The following STK3 variants were observed in gnomAD, a reference collection of about 807,000 sequenced individuals.
The protein encoded by STK3 is serine/threonine kinase 3, also known as serine/threonine-protein kinase 3.
In STK3, 41 loss-of-function variants were observed where a neutral mutation model predicts 58.0. The observed-to-expected ratio is 0.71, with a 90% CI of 0.55 to 0.92. The LOEUF is 0.92. Ranked by LOEUF, STK3 falls within the 40% of genes least tolerant of loss-of-function variation. The pLI is 0.00. For synonymous variants in STK3, 170 were observed against 191.0 expected (o/e 0.89, Z 0.91); for missense variants, 479 against 602.7 (o/e 0.79, Z 2.15).
chr8:98,525,964 G>T (rs930539853), intron 10 of STK3, among the ~76,000 whole-genome samples: 1 of 151,240 alleles, frequency 6.6e-6, no homozygotes, highest in African/African-American at 2.4e-5. Context: ...AACTATAAAG[G>T]ATTATAAAGT....
rs1563600145 is a variant in STK3 at position 98,428,991 on chromosome 8, G to T, written n.483+5136C>A. 3 of 1,614,028 alleles carry T rather than the reference G, an allele frequency of 1.9e-6. No individual in the cohort carries two copies. The highest frequency in any genetic ancestry group is 1.3e-5 in the African/African-American group (1 of 74,928). On this transcript the variant is annotated intron_variant and non_coding_transcript_variant, in intron 3 of 3. Transcript: ENST00000517832. This position sits in a 1 kb window ranked among gnomAD's most constrained non-coding sequence, Gnocchi z 6.7. ...AGGGCTGCTCTTGCTCTACCTCTCCGTGGGGATTTCCATCTTCTCCGTGGT... is the reference window on the plus strand; with the variant it reads ...AGGGCTGCTCTTGCTCTACCTCTCCTTGGGGATTTCCATCTTCTCCGTGGT...
At chr8:98,390,317 A>C (rs965210309), upstream of STK3, among the ~76,000 whole-genome samples, 8 of 152,198 alleles carry the variant, frequency 5.3e-5, no homozygotes, top group Non-Finnish European at 7.4e-5. Context: ...CTGGAATGAC[A>C]GTTCTTTTCT....
At chr8:98,891,093 TG>T (rs1358477302) in intron 1 of STK3, among the ~76,000 whole-genome samples, 2 of 152,230 alleles carry the variant, frequency 1.3e-5, no homozygotes, top group African/African-American at 4.8e-5. Context: ...TCCTAACAGT[TG>T]TTAAATGTGC....
At chr8:98,466,340 T>C (rs774730438) in intron 10 of STK3, among the ~76,000 whole-genome samples, 7 of 152,208 alleles carry the variant, frequency 4.6e-5, no homozygotes, top group Admixed American at 2.0e-4. Context: ...TTAATTTTTC[T>C]CCAATTACAC....
chr8:98,566,115 C>G (rs1011463149), intron 8 of STK3, among the ~76,000 whole-genome samples: 3 of 152,150 alleles, frequency 2.0e-5, no homozygotes, highest in Non-Finnish European at 4.4e-5. Context: ...TCTCATCAGA[C>G]AAGCTTTTTC....
At chr8:98,869,703 A>AT (rs1377284643) in intron 3 of STK3, among the ~76,000 whole-genome samples, 8 of 151,958 alleles carry the variant, frequency 5.3e-5, no homozygotes, top group Non-Finnish European at 8.8e-5. Flanking sequence ...CTTTTATTTT[A>AT]TTTTTTTAAA....
chr8:98,429,698 G>C (rs1218780907), intron 3 of STK3: 3 of 397,704 alleles, frequency 7.5e-6, no homozygotes, highest in Non-Finnish European at 1.4e-5. Flanking sequence ...CACCCAGAAT[G>C]CTAATTTTTC....
chr8:98,891,796 A>G (rs1482024659), intron 1 of STK3, among the ~76,000 whole-genome samples: 1 of 152,132 alleles, frequency 6.6e-6, no homozygotes, highest in Non-Finnish European at 1.5e-5. Context: ...GATTGCATAA[A>G]AGTGAAACTT....
upstream of STK3, among the ~76,000 whole-genome samples, chr8:98,827,924 T>C (rs189638046): frequency 6.6e-6 from 1 of 152,128 alleles, no homozygotes; most frequent in African/African-American, 2.4e-5. Flanking sequence ...GAGAAGAATC[T>C]TTGAAATTAC....
chr8:98,790,482 A>C (rs1832738784), intron 1 of STK3, among the ~76,000 whole-genome samples: 1 of 152,202 alleles, frequency 6.6e-6, no homozygotes. Context: ...TCTATGATTA[A>C]AACTCAGCAA....
At chr8:98,496,163 C>G (rs939151931) in intron 10 of STK3, among the ~76,000 whole-genome samples, 1 of 152,080 alleles carries the variant, frequency 6.6e-6, no homozygotes, top group Non-Finnish European at 1.5e-5. Flanking sequence ...GTGCCTAGCA[C>G]AGAGCAGGTC....
intron 6 of STK3, among the ~76,000 whole-genome samples, chr8:98,619,577 GC>G (rs1457413316): frequency 8.5e-6 from 1 of 117,220 alleles, no homozygotes; most frequent in East Asian, 2.7e-4. Flanking sequence ...CTGACAAAGG[GC>G]TAATATCCAG....
intron 6 of STK3, among the ~76,000 whole-genome samples, chr8:98,666,460 G>T (rs920484518): frequency 6.6e-5 from 10 of 152,120 alleles, no homozygotes; most frequent in Admixed American, 3.3e-4. Flanking sequence ...ACCTAATCAT[G>T]TTAAGTGTAG....
At chr8:98,461,227 A>G (rs1819945195) in intron 10 of STK3, among the ~76,000 whole-genome samples, 2 of 151,860 alleles carry the variant, frequency 1.3e-5, no homozygotes, top group African/African-American at 4.8e-5. Flanking sequence ...TCCTTTTATC[A>G]TTACATAATG....
At chr8:98,433,480 G>A (rs1447831916) in intron 3 of STK3, among the ~76,000 whole-genome samples, 1 of 152,156 alleles carries the variant, frequency 6.6e-6, no homozygotes, top group Non-Finnish European at 1.5e-5. Context: ...TCGGTAGGAA[G>A]GCCACTGGGC....
At chr8:98,771,444 A>T (rs976930295) in intron 2 of STK3, among the ~76,000 whole-genome samples, 5 of 152,064 alleles carry the variant, frequency 3.3e-5, no homozygotes, top group Non-Finnish European at 7.4e-5. Context: ...TTTCTCTATC[A>T]CTGGCTATAT....
chr8:98,652,529 A>G (rs1022726894), intron 6 of STK3, among the ~76,000 whole-genome samples: 1 of 148,944 alleles, frequency 6.7e-6, no homozygotes, highest in African/African-American at 2.5e-5. Context: ...TAAAAGACAC[A>G]GACTGGCAAA....
At chr8:98,754,962 G>A (rs1347583113) in intron 3 of STK3, among the ~76,000 whole-genome samples, 1 of 152,130 alleles carries the variant, frequency 6.6e-6, no homozygotes, top group Admixed American at 6.5e-5. Context: ...GGGTAGAAGT[G>A]ACAACTCATG....
chr8:98,784,322 G>T (rs901172762), intron 1 of STK3, among the ~76,000 whole-genome samples: 5 of 152,250 alleles, frequency 3.3e-5, no homozygotes, highest in African/African-American at 9.6e-5. Context: ...TCAGCAGTAG[G>T]TGCTGGGATT....
Sources: allele counts gnomAD v4.1 joint callset (sites outside exome capture counted in the v4.1 genomes callset), GRCh38; gene constraint gnomAD v4.1.1; non-coding constraint Gnocchi (gnomAD v3.1); transcripts MANE v1.5; gene names NCBI Gene and HGNC (gene_info 2026-07-23, HGNC 2026-07-21).